Variants in NEBL observed in about 807,000 individuals in gnomAD.
NEBL encodes LIM and SH3 protein 2.
Under a neutral mutation model 140.2 loss-of-function variants are expected in NEBL, and 122 were observed. The observed-to-expected ratio is 0.87, with a 90% CI of 0.75 to 1.01. NEBL has a LOEUF of 1.01. Among genes scored for constraint, NEBL ranks in the 50% least tolerant of loss-of-function variants. The probability of loss-of-function intolerance (pLI) is 0.00; values close to 1 mark genes in which losing one functional copy is unlikely to be tolerated. For synonymous variants in NEBL, 436 were observed against 398.9 expected (o/e 1.09, Z -1.11); for missense variants, 1,365 against 1,231.3 (o/e 1.11, Z -1.62).
chr10:21,200,136 T>A (rs78360210), intron 3 of NEBL, among the ~76,000 whole-genome samples: 1,908 of 151,844 alleles, frequency 0.013, 36 homozygotes, highest in African/African-American at 0.044. Flanking sequence ...CAACCCTGCA[T>A]TCCTCGCTAC....
intron 3 of NEBL, among the ~76,000 whole-genome samples, chr10:21,187,073 T>C (rs1288044040): frequency 6.6e-6 from 1 of 151,828 alleles, no homozygotes; most frequent in Non-Finnish European, 1.5e-5. Context: ...CCTTTATTTA[T>C]TCCTAACACT....
intron 2 of NEBL, among the ~76,000 whole-genome samples, chr10:20,896,593 T>C (rs1255348681): frequency 6.8e-6 from 1 of 148,074 alleles, no homozygotes; most frequent in East Asian, 2.0e-4. Context: ...AAAATGACTA[T>C]TCATTTAGAT....
intron 2 of NEBL, among the ~76,000 whole-genome samples, chr10:21,036,390 C>G (rs1834017961): frequency 6.6e-6 from 1 of 151,734 alleles, no homozygotes; most frequent in Non-Finnish European, 1.5e-5. Flanking sequence ...GGAGGTCGAG[C>G]CTGCAGTGAG....
In NEBL at chr10:21,056,738, T is replaced by C. The variant is rs1440296; in HGVS notation, c.165-36537A>G. Reference sequence around the variant, plus strand: ...GCAACATTAAAGCTGTATGGATGCATCTCAAAAGCAAAATACTGCGAGAAA... The same window carrying C: ...GCAACATTAAAGCTGTATGGATGCACCTCAAAAGCAAAATACTGCGAGAAA... On this transcript the variant is annotated intron_variant, in intron 2 of 6. Transcript: ENST00000417816. 4.9e-3 allele frequency among the ~76,000 whole-genome samples: 753 copies of C among 152,288 alleles called. 13 individuals carry two copies. The highest frequency in any genetic ancestry group is 0.04 in the Admixed American group (613 of 15,288).
intron 13 of NEBL, among the ~76,000 whole-genome samples, chr10:20,839,089 T>C (rs769858635): frequency 8.5e-5 from 13 of 152,132 alleles, no homozygotes; most frequent in Non-Finnish European, 1.3e-4. Context: ...TGACAGTGCA[T>C]AGCACAGAGG....
intron 2 of NEBL, among the ~76,000 whole-genome samples, chr10:21,136,377 G>C (rs1485071199): frequency 2.0e-5 from 3 of 152,276 alleles, no homozygotes; most frequent in Middle Eastern, 3.4e-3. Context: ...TGCCCAGCCT[G>C]GAGTGCAGTG....
chr10:21,180,720 T>C (rs1353644417), intron 3 of NEBL, among the ~76,000 whole-genome samples: 1 of 152,176 alleles, frequency 6.6e-6, no homozygotes, highest in Non-Finnish European at 1.5e-5. Context: ...CTGCCAATTT[T>C]ATCTCCAAAA....
intron 13 of NEBL, among the ~76,000 whole-genome samples, chr10:20,839,451 G>C (rs1322833187): frequency 1.3e-5 from 2 of 152,018 alleles, no homozygotes; most frequent in African/African-American, 2.4e-5. Flanking sequence ...CTGGCAAAAA[G>C]CTCCATGATT....
intron 4 of NEBL, among the ~76,000 whole-genome samples, chr10:20,904,240 C>T (rs955870800): frequency 6.6e-6 from 1 of 152,194 alleles, no homozygotes. Flanking sequence ...CAATTGAGTA[C>T]TGTCCATGAG....
intron 22 of NEBL, among the ~76,000 whole-genome samples, chr10:20,815,034 AAG>A (rs1458000147): frequency 2.0e-5 from 3 of 152,228 alleles, no homozygotes. Flanking sequence ...GATTAGGTGT[AAG>A]ATATGGATAC....
At chr10:20,819,883 C>T (rs1246405771) in intron 19 of NEBL, among the ~76,000 whole-genome samples, 1 of 152,086 alleles carries the variant, frequency 6.6e-6, no homozygotes, top group African/African-American at 2.4e-5. Flanking sequence ...AGCCACCACA[C>T]CCAACCCTTA....
intron 3 of NEBL, among the ~76,000 whole-genome samples, chr10:21,229,997 A>G (rs1263586887): frequency 6.6e-6 from 1 of 152,248 alleles, no homozygotes; most frequent in Non-Finnish European, 1.5e-5. Flanking sequence ...CTATTTTTCA[A>G]AATGAATCAA....
Position 21,241,832 on chromosome 10 carries a change from A to T in NEBL, n.348+6089T>A, listed in dbSNP as rs561386308. Among the ~76,000 whole-genome samples the T allele has an allele frequency of 5.9e-5, 9 of 152,336 alleles. No homozygotes were observed. In the South Asian group the frequency reaches 6.2e-4, roughly 11 times the overall value. On this transcript the variant is annotated intron_variant and non_coding_transcript_variant, in intron 3 of 8. Coordinates refer to the NEBL transcript ENST00000675702. ...CTGGTGACACTTTGTAAAGTCATCA[A>T]GTTCTTTATAGACCTGGGATTCCAT...
At chr10:20,964,096 G>C (rs1347662245) in intron 3 of NEBL, among the ~76,000 whole-genome samples, 1 of 152,188 alleles carries the variant, frequency 6.6e-6, no homozygotes, top group Non-Finnish European at 1.5e-5. Context: ...GATATAAAAA[G>C]AGAACAGAGG....
At chr10:21,076,134 C>T (rs551694156) in intron 2 of NEBL, among the ~76,000 whole-genome samples, 1 of 152,020 alleles carries the variant, frequency 6.6e-6, no homozygotes, top group Admixed American at 6.6e-5. Flanking sequence ...TATAGCAATT[C>T]CTCAAAAAAT....
chr10:21,264,997 G>A (rs565974971), intron 1 of NEBL, among the ~76,000 whole-genome samples: 9 of 151,652 alleles, frequency 5.9e-5, no homozygotes, highest in Admixed American at 2.6e-4. Flanking sequence ...ATCTTAGCCC[G>A]CTGCAACCTC....
Position 21,125,947 on chromosome 10 carries a change from G to A in NEBL, c.164+46436C>T, listed in dbSNP as rs1261459973. On this transcript the variant is annotated intron_variant, in intron 2 of 6. Coordinates refer to the NEBL transcript ENST00000417816. Reference sequence around the variant, plus strand: ...TCCCAGAGACAGCCTTGGGGACTTGGCCCAGTTGCCTGGATCTGGTTCAGG... The same window carrying A: ...TCCCAGAGACAGCCTTGGGGACTTGACCCAGTTGCCTGGATCTGGTTCAGG... 5 of 1,614,002 alleles carry A rather than the reference G, an allele frequency of 3.1e-6. No individual in the cohort carries two copies. In the African/African-American group the frequency reaches 6.7e-5, roughly 22 times the overall value.
At chr10:21,268,325 G>C (rs1050808417) in intron 1 of NEBL, among the ~76,000 whole-genome samples, 6 of 151,804 alleles carry the variant, frequency 4.0e-5, no homozygotes, top group Admixed American at 3.9e-4. Context: ...ATTTTAAAAA[G>C]TTAGCCTAGC....
At chr10:21,206,718 G>C (rs558283864) in intron 3 of NEBL, among the ~76,000 whole-genome samples, 2 of 152,300 alleles carry the variant, frequency 1.3e-5, no homozygotes, top group Non-Finnish European at 1.5e-5. Context: ...GGAGTGGGCT[G>C]AAGTATAGAG....
Sources: allele counts gnomAD v4.1 joint callset (sites outside exome capture counted in the v4.1 genomes callset), GRCh38; gene constraint gnomAD v4.1.1; transcripts MANE v1.5; gene names NCBI Gene and HGNC (gene_info 2026-07-23, HGNC 2026-07-21).